Variants in EPHB1 observed in about 807,000 individuals in gnomAD.
The protein encoded by EPHB1 is EPH receptor B1.
EPHB1 carries 30 observed loss-of-function variants against 94.4 expected under a neutral mutation model. The ratio of observed to expected loss-of-function variants is 0.32; its 90% confidence interval spans 0.24 to 0.43. The LOEUF (loss-of-function observed/expected upper bound fraction) is 0.43. Among genes scored for constraint, EPHB1 ranks in the 20% least tolerant of loss-of-function variants. The pLI is 1.00. For missense variants in EPHB1, 1,055 were observed against 1,308.3 expected (o/e 0.81, Z 2.99); for synonymous variants, 522 against 489.1 (o/e 1.07, Z -0.89).
chr3:134,999,234 C>A (rs924833696), intron 3 of EPHB1, among the ~76,000 whole-genome samples: 7 of 152,068 alleles, frequency 4.6e-5, no homozygotes, highest in Non-Finnish European at 1.0e-4. Flanking sequence ...AAAAAGAGAG[C>A]TTGAGAGAAA....
chr3:135,159,186 C>T (rs1941444172), intron 6 of EPHB1, among the ~76,000 whole-genome samples: 2 of 151,990 alleles, frequency 1.3e-5, no homozygotes, highest in African/African-American at 4.8e-5. Flanking sequence ...CATAAGCAAC[C>T]AATAATAATA....
rs397966930 is a variant in EPHB1 at position 134,811,242 on chromosome 3, G to GTTTTTTTTTTTTTTTTTTTT, written c.58+15555_58+15574dup. Among the ~76,000 whole-genome samples, 72 of 73,884 alleles carry GTTTTTTTTTTTTTTTTTTTT rather than the reference G, an allele frequency of 9.7e-4. 14 individuals are homozygous for GTTTTTTTTTTTTTTTTTTTT. Among genetic ancestry groups the GTTTTTTTTTTTTTTTTTTTT allele is most frequent in the South Asian group, 1.8e-3 (3 of 1,668 alleles). The allele number at this position is 73,884 out of a possible 152,430, so 48.5% of individuals were successfully genotyped here. On this transcript the variant is annotated intron_variant, in intron 1 of 15. Coordinates refer to ENST00000398015, the MANE Select transcript of EPHB1 (RefSeq NM_004441.5). ...TCTCATAGTTGCCCCTACTAAGAAG[G>GTTTTTTTTTTTTTTTTTTTT]TTTTTTTTTTTTTTTTTTTTTCTGT...
chr3:135,250,013 G>A (rs996154537), intron 15 of EPHB1, among the ~76,000 whole-genome samples: 1 of 152,170 alleles, frequency 6.6e-6, no homozygotes, highest in Non-Finnish European at 1.5e-5. Flanking sequence ...CAAATAAGAC[G>A]AGAGCCAGAA....
At chr3:134,835,613 C>G (rs1234383721) in intron 1 of EPHB1, among the ~76,000 whole-genome samples, 1 of 152,138 alleles carries the variant, frequency 6.6e-6, no homozygotes, top group Non-Finnish European at 1.5e-5. Context: ...AGATTCCAGC[C>G]CAGAGCAGTC....
chr3:135,250,956 C>T (rs1311279767), intron 15 of EPHB1, among the ~76,000 whole-genome samples: 2 of 152,140 alleles, frequency 1.3e-5, no homozygotes, highest in Non-Finnish European at 2.9e-5. Context: ...CAGTAGTGAT[C>T]CACCCCTATA....
chr3:135,014,412 G>A lies in EPHB1; in HGVS notation c.805+62360G>A, dbSNP rs554193315. 3.9e-5 allele frequency among the ~76,000 whole-genome samples: 6 copies of A among 152,224 alleles called. No homozygotes were observed. In the East Asian group the frequency reaches 1.2e-3, roughly 29 times the overall value. On this transcript the variant is annotated intron_variant, in intron 3 of 15. Coordinates refer to ENST00000398015, the MANE Select transcript of EPHB1 (RefSeq NM_004441.5). The stretch of plus-strand genomic sequence containing the variant: ...TCCTTTTCTGTTTCTTTTATTCACA[G>A]TTCATTTCTGTTGCTTATAATCAGA...
chr3:135,032,649 C>T (rs1355055051), intron 3 of EPHB1, among the ~76,000 whole-genome samples: 2 of 152,140 alleles, frequency 1.3e-5, no homozygotes, highest in Non-Finnish European at 2.9e-5. Context: ...GAATGGGTGC[C>T]ATTGTTGGGT....
chr3:135,097,938 T>C (rs1405706234), intron 3 of EPHB1, among the ~76,000 whole-genome samples: 1 of 152,204 alleles, frequency 6.6e-6, no homozygotes. Context: ...TGGTGCAATC[T>C]TTTCCCTTTG....
chr3:135,202,196 C>G (rs748843499), intron 12 of EPHB1, among the ~76,000 whole-genome samples: 1 of 152,216 alleles, frequency 6.6e-6, no homozygotes, highest in East Asian at 1.9e-4. Flanking sequence ...CAGCCTCCCC[C>G]TCTACATTCT....
At chr3:134,893,498 C>T (rs1178474391) in intron 1 of EPHB1, among the ~76,000 whole-genome samples, 4 of 152,184 alleles carry the variant, frequency 2.6e-5, no homozygotes, top group Non-Finnish European at 5.9e-5. Context: ...CTCCCACACC[C>T]CCTACACTCA....
intron 15 of EPHB1, among the ~76,000 whole-genome samples, chr3:135,250,450 G>C (rs2107732367): frequency 6.6e-6 from 1 of 152,170 alleles, no homozygotes; most frequent in East Asian, 1.9e-4. Context: ...GGGCCTCAGT[G>C]GTTCCCAGGC....
intron 2 of EPHB1, among the ~76,000 whole-genome samples, chr3:134,939,974 G>T (rs969519051): frequency 2.0e-5 from 3 of 152,332 alleles, no homozygotes; most frequent in African/African-American, 7.2e-5. Context: ...TCTCCTTGTG[G>T]TCTGAGCTGG....
rs115934067 is a variant in EPHB1 at position 134,905,294 on chromosome 3, C to T, written c.59-20522C>T. 1.0e-2 allele frequency among the ~76,000 whole-genome samples: 1,520 copies of T among 152,306 alleles called. 37 individuals are homozygous for T. Among genetic ancestry groups the T allele is most frequent in the African/African-American group, 0.034 (1,422 of 41,560 alleles). On this transcript the variant is annotated intron_variant, in intron 1 of 15. Transcript: ENST00000398015. The stretch of plus-strand genomic sequence containing the variant: ...GGCCCCAGGAGCCTCTCTCTGAAGC[C>T]GACATATTTTCTCTGTGAGTTTCCA...
intron 2 of EPHB1, among the ~76,000 whole-genome samples, chr3:134,926,188 T>C: frequency 6.6e-6 from 1 of 152,172 alleles, no homozygotes; most frequent in Middle Eastern, 3.2e-3. Context: ...ATCAGAGATC[T>C]GTGATGCCCA....
At chr3:134,863,982 G>A (rs943801474) in intron 1 of EPHB1, among the ~76,000 whole-genome samples, 1 of 152,158 alleles carries the variant, frequency 6.6e-6, no homozygotes, top group African/African-American at 2.4e-5. Flanking sequence ...GGGACAGAGG[G>A]GTGGGAAATC....
intron 5 of EPHB1, among the ~76,000 whole-genome samples, chr3:135,142,592 A>G (rs1035911740): frequency 2.0e-5 from 3 of 152,246 alleles, no homozygotes; most frequent in Non-Finnish European, 4.4e-5. Flanking sequence ...AGATGAAGCC[A>G]AAAAGAGTTG....
chr3:134,852,851 G>C (rs1309180036), intron 1 of EPHB1, among the ~76,000 whole-genome samples: 3 of 152,242 alleles, frequency 2.0e-5, no homozygotes, highest in Non-Finnish European at 2.9e-5. Context: ...TGAGGTATAA[G>C]TGGAGGAGTG....
intron 3 of EPHB1, among the ~76,000 whole-genome samples, chr3:135,023,523 C>G (rs2107755557): frequency 6.6e-6 from 1 of 152,278 alleles, no homozygotes; most frequent in African/African-American, 2.4e-5. Context: ...GAATCGCCCC[C>G]TGTTGAGAAT....
intron 3 of EPHB1, among the ~76,000 whole-genome samples, chr3:135,072,363 GAC>G (rs1276935838): frequency 3.9e-5 from 6 of 152,172 alleles, no homozygotes; most frequent in African/African-American, 1.4e-4. Context: ...CAGCCTGGGT[GAC>G]AGAGTGAGAC....
Sources: allele counts gnomAD v4.1 joint callset (sites outside exome capture counted in the v4.1 genomes callset), GRCh38; gene constraint gnomAD v4.1.1; transcripts MANE v1.5; gene names NCBI Gene and HGNC (gene_info 2026-07-23, HGNC 2026-07-21).